GPAT3: variants seen among roughly 807,000 people sequenced by gnomAD.
GPAT3 encodes the protein 1-AGP acyltransferase 9.
Under a neutral mutation model 58.8 loss-of-function variants are expected in GPAT3, and 53 were observed. The observed-to-expected ratio is 0.90, with a 90% CI of 0.72 to 1.13. The LOEUF is 1.13. Among genes scored for constraint, GPAT3 ranks in the 50% most tolerant of loss-of-function variants. The pLI, the probability that GPAT3 is intolerant of heterozygous loss-of-function variation, is 0.00. For missense variants in GPAT3, 511 were observed against 527.6 expected (o/e 0.97, Z 0.31); for synonymous variants, 197 against 187.4 (o/e 1.05, Z -0.42).
At chr4:83,573,773 T>C (rs11736724) in intron 2 of GPAT3, among the ~76,000 whole-genome samples, 28,010 of 152,126 alleles carry the variant, frequency 0.18, 3,211 homozygotes, top group East Asian at 0.31. Flanking sequence ...AACTCCTCCC[T>C]GCCCAATTTT....
In GPAT3 at chr4:83,604,794, A is replaced by G; in HGVS notation, c.*27A>G. 1 of 1,561,900 alleles carries G rather than the reference A, an allele frequency of 6.4e-7. No homozygotes were observed. The highest frequency in any genetic ancestry group is 8.8e-7 in the Non-Finnish European group (1 of 1,139,044). On this transcript the variant is annotated 3_prime_UTR_variant, in exon 12 of 12. Transcript: ENST00000264409. The stretch of plus-strand genomic sequence containing the variant: ...AGGACGGATGACAGCCTTTAGATCT[A>G]GAACTAGCCCTTAGAAATGGAATGG...
At chr4:83,582,126 A>C (rs956445577) in intron 3 of GPAT3, among the ~76,000 whole-genome samples, 3 of 151,560 alleles carry the variant, frequency 2.0e-5, no homozygotes, top group Admixed American at 6.5e-5. Context: ...GTGAAGAAGA[A>C]GAAGAGGAAG....
chr4:83,553,251 G>A (rs1458189789), intron 2 of GPAT3, among the ~76,000 whole-genome samples: 3 of 152,212 alleles, frequency 2.0e-5, no homozygotes, highest in Non-Finnish European at 4.4e-5. Context: ...ATTGCGAAGT[G>A]ATGGGTGTGA....
intron 2 of GPAT3, among the ~76,000 whole-genome samples, chr4:83,568,628 G>T (rs1326987278): frequency 1.3e-5 from 2 of 151,416 alleles, no homozygotes; most frequent in African/African-American, 4.9e-5. Context: ...CTGCTTCAGC[G>T]TCCGGGGTAG....
chr4:83,547,492 T>C (rs941221013), intron 2 of GPAT3, among the ~76,000 whole-genome samples: 4 of 152,026 alleles, frequency 2.6e-5, no homozygotes, highest in Non-Finnish European at 5.9e-5. Flanking sequence ...GACCTTGTGA[T>C]CTGCCCACCT....
chr4:83,602,257 A>C (rs1727080828), intron 11 of GPAT3, among the ~76,000 whole-genome samples: 1 of 152,158 alleles, frequency 6.6e-6, no homozygotes, highest in African/African-American at 2.4e-5. Flanking sequence ...GACAAGAACA[A>C]CCTAGGGGAG....
At position 83,598,677 on chromosome 4, in the gene GPAT3, G is replaced by T. The variant is rs776292132; in HGVS notation, c.1159G>T (p.Val387Phe). The T allele has an allele frequency of 2.6e-6, 4 of 1,549,670 alleles. No individual in the cohort carries two copies. The highest frequency in any genetic ancestry group is 2.5e-5 in the East Asian group (1 of 40,046). Residue 387 changes from valine to phenylalanine, a missense_variant, in exon 11 of 12, where the codon GTT (valine) becomes TTT (phenylalanine). Val to Phe is a conservative substitution (Grantham distance 50, BLOSUM62 -1). Transcript: ENST00000264409. ...GEDAVQFANR[V>F]KSAIAIQGGL... ...AGATGCAGTCCAGTTTGCTAACAGG[G>T]TTAAGTCTGCTATTGCTATACAAGG...
intron 6 of GPAT3, among the ~76,000 whole-genome samples, chr4:83,593,683 G>A (rs184350967): frequency 6.6e-6 from 1 of 152,124 alleles, no homozygotes; most frequent in African/African-American, 2.4e-5. Context: ...AAAAAAGGTA[G>A]TAAAAAGAGT....
chr4:83,554,478 A>G (rs1724877812), intron 2 of GPAT3, among the ~76,000 whole-genome samples: 1 of 152,142 alleles, frequency 6.6e-6, no homozygotes, highest in Non-Finnish European at 1.5e-5. Flanking sequence ...TTTTGTTTCT[A>G]TCTTTTAGGC....
In GPAT3 at chr4:83,594,932, A is replaced by T. The variant is rs181900378; in HGVS notation, c.826A>T (p.Met276Leu). The T allele has an allele frequency of 6.2e-7, 1 of 1,613,960 alleles. No homozygotes were observed. The highest frequency in any genetic ancestry group is 1.7e-5 in the Admixed American group (1 of 60,000). The change falls in exon 7 of 12, where the codon ATG becomes TTG. Residue 276 changes from methionine to leucine, a missense_variant. Physicochemically the swap from Met to Leu is conservative, Grantham distance 15. Transcript: ENST00000264409. The part of the protein sequence containing the change: ...CPHVWFERSE[M>L]KDRHLVTKRL... The stretch of plus-strand genomic sequence containing the variant: ...TCATGTCTGGTTTGAACGCTCAGAA[A>T]TGAAGGATCGACACCTGGTTACTAA...
chr4:83,544,652 T>C (rs777946401), intron 2 of GPAT3, 50 bp downstream of exon 2: 3 of 1,556,972 alleles, frequency 1.9e-6, no homozygotes, highest in South Asian at 1.1e-5. Context: ...ATTGGGTGGA[T>C]GTAAACCTAC....
At chr4:83,595,793 C>T (rs2110108274) in intron 7 of GPAT3, among the ~76,000 whole-genome samples, 1 of 152,194 alleles carries the variant, frequency 6.6e-6, no homozygotes, top group East Asian at 1.9e-4. Context: ...GATGAGCTAC[C>T]AGAAACCTTC....
intron 2 of GPAT3, among the ~76,000 whole-genome samples, chr4:83,555,074 G>T (rs1476199753): frequency 6.6e-6 from 1 of 152,154 alleles, no homozygotes; most frequent in Non-Finnish European, 1.5e-5. Flanking sequence ...AAAGTGCTGG[G>T]ATTACAGGTG....
At chr4:83,589,211 T>C (rs1172836100) in intron 5 of GPAT3, among the ~76,000 whole-genome samples, 1 of 152,240 alleles carries the variant, frequency 6.6e-6, no homozygotes, top group East Asian at 1.9e-4. Context: ...CCTAACTTCT[T>C]ATAGAATTGC....
At chr4:83,578,307 G>A (rs1191882288) in intron 2 of GPAT3, among the ~76,000 whole-genome samples, 1 of 151,822 alleles carries the variant, frequency 6.6e-6, no homozygotes. Context: ...ATCCTTTGTC[G>A]GCTAGATAAA....
chr4:83,578,191 T>G (rs1032472603), intron 2 of GPAT3, among the ~76,000 whole-genome samples: 5 of 152,256 alleles, frequency 3.3e-5, no homozygotes, highest in African/African-American at 1.2e-4. Context: ...TTTTATGAAT[T>G]GCTTGCTATA....
At chr4:83,595,986 A>C (rs543956696) in intron 7 of GPAT3, among the ~76,000 whole-genome samples, 1 of 152,342 alleles carries the variant, frequency 6.6e-6, no homozygotes, top group Admixed American at 6.5e-5. Context: ...TGGCAGCTGC[A>C]GTCTGGCTAC....
chr4:83,551,430 G>T (rs756299215), intron 2 of GPAT3, among the ~76,000 whole-genome samples: 22 of 152,080 alleles, frequency 1.4e-4, no homozygotes, highest in African/African-American at 5.1e-4. Context: ...GCTGGGACAG[G>T]TTATCTTCAG....
rs758732003 is a variant in GPAT3 at position 83,587,212 on chromosome 4, CTA to C, written c.480-41_480-40del. ...TAGGAACTTTTTGGTTACTTCCATGCTATGTGTCAAAATCTTATATGGCCCTC... is the reference window on the plus strand; with the variant it reads ...TAGGAACTTTTTGGTTACTTCCATGCTGTGTCAAAATCTTATATGGCCCTC... On this transcript the variant is annotated intron_variant, in intron 3 of 11. Transcript: ENST00000264409. 4.6e-6 allele frequency: 7 copies of C among 1,533,228 alleles called. No homozygotes were observed. In the Admixed American group the frequency reaches 1.2e-4, roughly 27 times the overall value. The allele number at this position is 1,533,228 out of a possible 1,614,324, so 95.0% of individuals were successfully genotyped here.
Sources: allele counts gnomAD v4.1 joint callset (sites outside exome capture counted in the v4.1 genomes callset), GRCh38; gene constraint gnomAD v4.1.1; transcripts MANE v1.5; gene names NCBI Gene and HGNC (gene_info 2026-07-23, HGNC 2026-07-21).